Variants in GTPBP2 observed in about 807,000 individuals in gnomAD.
GTPBP2 encodes GTP binding protein 2.
GTPBP2 carries 32 observed loss-of-function variants against 63.0 expected under a neutral mutation model. The observed-to-expected ratio is 0.51, with a 90% CI of 0.38 to 0.68. The LOEUF is 0.68. Ranked by LOEUF, GTPBP2 falls within the 30% of genes least tolerant of loss-of-function variation. The pLI, the probability that GTPBP2 is intolerant of heterozygous loss-of-function variation, is 0.00. For synonymous variants in GTPBP2, 310 were observed against 322.6 expected (o/e 0.96, Z 0.42); for missense variants, 492 against 796.9 (o/e 0.62, Z 4.61).
At position 43,624,964 on chromosome 6, in the gene GTPBP2, T is replaced by A; in HGVS notation, c.804A>T (p.Leu268=). 1.9e-6 allele frequency: 3 copies of A among 1,614,098 alleles called. No homozygotes were observed. Among genetic ancestry groups the A allele is most frequent in the Non-Finnish European group, 2.5e-6 (3 of 1,179,982 alleles). ...FIDLAGHHKY[L]HTTIFGLTSY... ...ATGTGAGGCCAAAGATGGTGGTGTGTAGGTACTTATGGTGGCCTGCCAGGT... is the reference window on the plus strand; with the variant it reads ...ATGTGAGGCCAAAGATGGTGGTGTGAAGGTACTTATGGTGGCCTGCCAGGT... The change falls in exon 6 of 12, where the codon CTA becomes CTT. Residue 268 remains leucine, a synonymous_variant. Coordinates refer to ENST00000307126, the MANE Select transcript of GTPBP2 (RefSeq NM_019096.5). This position sits in a 1 kb window ranked among gnomAD's most constrained non-coding sequence, Gnocchi z 5.1.
rs1479762936 is a variant in GTPBP2, at chr6:43,621,167, G to A, written c.*447C>T. On this transcript the variant is annotated 3_prime_UTR_variant, in exon 12 of 12. Transcript: ENST00000307126. The stretch of plus-strand genomic sequence containing the variant: ...CAGATAACCTTTTGTCCACAGCCAG[G>A]TAGAGATGGGCAACTTACATGGCCT... 5.8e-6 allele frequency: 2 copies of A among 341,896 alleles called. No homozygotes were observed. The highest frequency in any genetic ancestry group is 1.2e-5 in the Non-Finnish European group (2 of 171,234). The allele number at this position is 341,896 out of a possible 1,614,324, so 21.2% of individuals were successfully genotyped here. A position where few individuals can be genotyped will look rare whatever the true frequency, so the allele number is the denominator to read the frequency against.
At chr6:43,629,886 G>C (rs1268780492), upstream of GTPBP2, 32 of 1,304,414 alleles carry the variant, frequency 2.5e-5, no homozygotes, top group Admixed American at 3.2e-4. Context: ...TACCAGGCTG[G>C]CACCGTCCAG....
chr6:43,624,847 G>A lies in GTPBP2; in HGVS notation c.880+41C>T. ...TTTGAGGCCCAGGGTAGGAGAGTCAGCACCCCCCTTCAGCCCTGTCCCTGC... is the reference window on the plus strand; with the variant it reads ...TTTGAGGCCCAGGGTAGGAGAGTCAACACCCCCCTTCAGCCCTGTCCCTGC... On this transcript the variant is annotated intron_variant, in intron 6 of 11. Transcript: ENST00000307126. The surrounding 1 kb of genome is among the most constrained non-coding windows in gnomAD (Gnocchi z 5.1). The A allele has an allele frequency of 6.2e-7, 1 of 1,600,842 alleles. No individual in the cohort carries two copies. The highest frequency in any genetic ancestry group is 1.3e-5 in the African/African-American group (1 of 74,798).
At chr6:43,629,812 G>A, upstream of GTPBP2, 1 of 1,553,796 alleles carries the variant, frequency 6.4e-7, no homozygotes, top group Non-Finnish European at 8.7e-7. Flanking sequence ...ATGGTGATTA[G>A]CCAAATTACG....
At chr6:43,630,151 G>T (rs1036096709), upstream of GTPBP2, among the ~76,000 whole-genome samples, 2 of 152,222 alleles carry the variant, frequency 1.3e-5, no homozygotes, top group African/African-American at 4.8e-5. Flanking sequence ...GGCAGTGGCC[G>T]GGAATAGAAA....
rs1245654475 is a variant in GTPBP2 at position 43,620,655 on chromosome 6, G to GTAGGAAATATGGCAA, written c.*944_*958dup. On this transcript the variant is annotated 3_prime_UTR_variant, in exon 12 of 12. Transcript: ENST00000307126. The stretch of plus-strand genomic sequence containing the variant: ...GGAAAGGAGAGTCCATGCCTAAAGA[G>GTAGGAAATATGGCAA]TAGGAAATATGGCAACATCTTTCCC... 1.3e-5 allele frequency: 2 copies of GTAGGAAATATGGCAA among 153,034 alleles called. No homozygotes were observed. The highest frequency in any genetic ancestry group is 2.9e-5 in the Non-Finnish European group (2 of 68,478). The allele number at this position is 153,034 out of a possible 1,614,324, so 9.5% of individuals were successfully genotyped here.
rs527493658 is a variant in GTPBP2 at position 43,624,334 on chromosome 6, C to G, written c.1100+176G>C. On this transcript the variant is annotated intron_variant, in intron 7 of 11. Coordinates refer to ENST00000307126, the MANE Select transcript of GTPBP2 (RefSeq NM_019096.5). This position sits in a 1 kb window ranked among gnomAD's most constrained non-coding sequence, Gnocchi z 5.1. Reference sequence around the variant, plus strand: ...GCATCAGCAGTGCTCCAGGTTGGCTCGGGAGGAGGGTCAAGCCCTTTAGCA... The same window carrying G: ...GCATCAGCAGTGCTCCAGGTTGGCTGGGGAGGAGGGTCAAGCCCTTTAGCA... Among the ~76,000 whole-genome samples the G allele has an allele frequency of 6.6e-6, 1 of 152,210 alleles. No individual in the cohort carries two copies. The highest frequency in any genetic ancestry group is 6.5e-5 in the Admixed American group (1 of 15,270).
Position 43,629,127 on chromosome 6 carries a change from G to A in GTPBP2, c.36C>T (p.Cys12=), listed in dbSNP as rs1403666994. ...DSRVSELFGG[C]CRPGGGPAVG... ...CGGCCGGGCCCCCTCCGGGCCGGCA[G>A]CAGCCGCCGAACAGCTCCGATACCC... Residue 12 remains cysteine, a synonymous_variant, in exon 1 of 12, where the codon TGC becomes TGT. Transcript: ENST00000307126. 2.1e-5 allele frequency: 32 copies of A among 1,498,968 alleles called. No homozygotes were observed. The highest frequency in any genetic ancestry group is 2.7e-5 in the Non-Finnish European group (31 of 1,128,036). 92.9% of individuals were successfully genotyped at this position (1,498,968 alleles called of 1,614,324 possible). A position where few individuals can be genotyped will look rare whatever the true frequency, so the allele number is the denominator to read the frequency against.
chr6:43,628,826 C>T, intron 1 of GTPBP2, 151 bp downstream of exon 1: 1 of 904,814 alleles, frequency 1.1e-6, no homozygotes, highest in South Asian at 1.3e-5. Context: ...CCTGGGGTCC[C>T]GGGACCTGAA....
rs1769688894 is a variant in GTPBP2 at position 43,629,012 on chromosome 6, C to T, written c.151G>A (p.Gly51Ser). 5 of 1,613,800 alleles carry T rather than the reference C, an allele frequency of 3.1e-6. No individual in the cohort carries two copies. The highest frequency in any genetic ancestry group is 3.4e-6 in the Non-Finnish European group (4 of 1,179,846). The part of the protein sequence containing the change: ...GKKKNGRNRG[G>S]KANNPPYLPP... Reference sequence around the variant, plus strand: ...AAATACGGGGGGTTGTTGGCTTTGCCCCCTCTGTTCCTTCCGTTCTTCTTC... The same window carrying T: ...AAATACGGGGGGTTGTTGGCTTTGCTCCCTCTGTTCCTTCCGTTCTTCTTC... The change falls in exon 1 of 12, where the codon GGC (glycine) becomes AGC (serine). Residue 51 changes from glycine (G) to serine (S), a missense_variant. Physicochemically the swap from Gly to Ser is moderately conservative, Grantham distance 56. Coordinates refer to ENST00000307126, the MANE Select transcript of GTPBP2 (RefSeq NM_019096.5).
At chr6:43,627,178 C>T in intron 1 of GTPBP2, 1 of 762,134 alleles carries the variant, frequency 1.3e-6, no homozygotes, top group Non-Finnish European at 1.8e-6. Flanking sequence ...CCCATTTAAG[C>T]CAGGAACAGA....
intron 11 of GTPBP2, 27 bp from the exon 12 acceptor site, chr6:43,621,817 TG>T (rs1412170876): frequency 6.2e-7 from 1 of 1,614,028 alleles, no homozygotes; most frequent in South Asian, 1.1e-5. Context: ...GTCACTCCCC[TG>T]GCCAGTGCCT....
At position 43,626,993 on chromosome 6, in the gene GTPBP2, A is replaced by G. The variant is rs761386568; in HGVS notation, c.187-45T>C. On this transcript the variant is annotated intron_variant, in intron 1 of 11. Transcript: ENST00000307126. This position sits in a 1 kb window ranked among gnomAD's most constrained non-coding sequence, Gnocchi z 4.0. Reference sequence around the variant, plus strand: ...AGTTACCATACACTGTACAGACCCAATCCCTACTTCCCCTCAATTCCCACT... The same window carrying G: ...AGTTACCATACACTGTACAGACCCAGTCCCTACTTCCCCTCAATTCCCACT... 1.3e-6 allele frequency: 2 copies of G among 1,520,568 alleles called. No homozygotes were observed. The highest frequency in any genetic ancestry group is 9.0e-7 in the Non-Finnish European group (1 of 1,111,048). The allele number at this position is 1,520,568 out of a possible 1,614,324, so 94.2% of individuals were successfully genotyped here.
Position 43,624,169 on chromosome 6 carries a change from G to T in GTPBP2, c.1101-101C>A, listed in dbSNP as rs968252004. ...AAGGTGAGCTTTGTTCTGGCTGGGG[G>T]CCCCTCTCTCCTGTCTGCAAATGGC... On this transcript the variant is annotated intron_variant, in intron 7 of 11. Transcript: ENST00000307126. This position sits in a 1 kb window ranked among gnomAD's most constrained non-coding sequence, Gnocchi z 5.1. 1.8e-6 allele frequency: 2 copies of T among 1,090,436 alleles called. No individual in the cohort carries two copies. Among genetic ancestry groups the T allele is most frequent in the South Asian group, 1.6e-5 (1 of 63,798 alleles). The allele number at this position is 1,090,436 out of a possible 1,614,324, so 67.5% of individuals were successfully genotyped here. A position where few individuals can be genotyped will look rare whatever the true frequency, so the allele number is the denominator to read the frequency against.
rs1768856483 is a variant in GTPBP2, at chr6:43,622,520, G to C, written c.1467+113C>G. The C allele has an allele frequency of 5.9e-6, 6 of 1,018,752 alleles. No homozygotes were observed. The South Asian group carries it at 7.7e-5, about 13-fold the overall frequency. The allele number at this position is 1,018,752 out of a possible 1,614,324, so 63.1% of individuals were successfully genotyped here. A position where few individuals can be genotyped will look rare whatever the true frequency, so the allele number is the denominator to read the frequency against. The stretch of plus-strand genomic sequence containing the variant: ...TAGACCAGAAGCTTCTTGGGTCAGA[G>C]AGTGTGTTTCCTCTGAGTTTCTCTG... On this transcript the variant is annotated intron_variant, in intron 10 of 11. Coordinates refer to ENST00000307126, the MANE Select transcript of GTPBP2 (RefSeq NM_019096.5). The surrounding 1 kb of genome is among the most constrained non-coding windows in gnomAD (Gnocchi z 5.4).
chr6:43,622,700 C>T lies in GTPBP2; in HGVS notation c.1400G>A (p.Arg467His), dbSNP rs1193983066. Reference sequence around the variant, plus strand: ...AGCAGCCTGACCAGCTCGCAGCACACGACAGGCAGAGCGGTTGCGCTGGAT... The same window carrying T: ...AGCAGCCTGACCAGCTCGCAGCACATGACAGGCAGAGCGGTTGCGCTGGAT... ...CSIQRNRSAC[R>H]VLRAGQAATL... The change falls in exon 10 of 12, where the codon CGT (arginine) becomes CAT (histidine). Residue 467 changes from arginine (R) to histidine (H), a missense_variant. Transcript: ENST00000307126. This position sits in a 1 kb window ranked among gnomAD's most constrained non-coding sequence, Gnocchi z 5.4. 5 of 1,614,124 alleles carry T rather than the reference C, an allele frequency of 3.1e-6. No individual in the cohort carries two copies. Among genetic ancestry groups the T allele is most frequent in the East Asian group, 2.2e-5 (1 of 44,872 alleles).
rs1453963915 is a variant in GTPBP2 at position 43,625,581 on chromosome 6, A to G, written c.508-21T>C. 3 of 1,592,430 alleles carry G rather than the reference A, an allele frequency of 1.9e-6. No homozygotes were observed. The highest frequency in any genetic ancestry group is 2.7e-5 in the African/African-American group (2 of 74,562). On this transcript the variant is annotated intron_variant, in intron 4 of 11. Coordinates refer to ENST00000307126, the MANE Select transcript of GTPBP2 (RefSeq NM_019096.5). The surrounding 1 kb of genome is among the most constrained non-coding windows in gnomAD (Gnocchi z 5.1). ...AGGAACTGTGGATGAATTGCCAGAG[A>G]TAAGAACTCCAATCTCTCACCCCTC...
At position 43,626,348 on chromosome 6, in the gene GTPBP2, C is replaced by T. The variant is rs752570862; in HGVS notation, c.276G>A (p.Arg92=). Reference sequence around the variant, plus strand: ...CGGCCTCACCACGTCCCTCCTGGAGCCGCCACTTCATTTGTGTCACCAGGT... The same window carrying T: ...CGGCCTCACCACGTCCCTCCTGGAGTCGCCACTTCATTTGTGTCACCAGGT... ...FEHLVTQMKW[R]LQEGRGEAVY... is the part of the protein sequence containing the mutation. Residue 92 remains arginine (R), a synonymous_variant, in exon 3 of 12, where the codon CGG becomes CGA. Transcript: ENST00000307126. The surrounding 1 kb of genome is among the most constrained non-coding windows in gnomAD (Gnocchi z 4.0). 3.7e-6 allele frequency: 6 copies of T among 1,614,068 alleles called. No homozygotes were observed. The African/African-American group carries it at 8.0e-5, about 22-fold the overall frequency.
At position 43,624,803 on chromosome 6, in the gene GTPBP2, C is replaced by T; in HGVS notation, c.881-74G>A. On this transcript the variant is annotated intron_variant, in intron 6 of 11. Coordinates refer to ENST00000307126, the MANE Select transcript of GTPBP2 (RefSeq NM_019096.5). The surrounding 1 kb of genome is among the most constrained non-coding windows in gnomAD (Gnocchi z 5.1). The stretch of plus-strand genomic sequence containing the variant: ...GAGGGAGGAGAGGGAAGAAGAGGAG[C>T]ATTGGTCTGTCTCCAAGATTTGAGG... 1 of 1,581,194 alleles carries T rather than the reference C, an allele frequency of 6.3e-7. No homozygotes were observed. Among genetic ancestry groups the T allele is most frequent in the Admixed American group, 1.7e-5 (1 of 59,958 alleles).
Sources: allele counts gnomAD v4.1 joint callset (sites outside exome capture counted in the v4.1 genomes callset), GRCh38; gene constraint gnomAD v4.1.1; non-coding constraint Gnocchi (gnomAD v3.1); transcripts MANE v1.5; gene names NCBI Gene and HGNC (gene_info 2026-07-23, HGNC 2026-07-21).